CMC2: variants seen among roughly 807,000 people sequenced by gnomAD.
The protein encoded by CMC2 is COX assembly mitochondrial protein 2 homolog.
A neutral mutation model predicts 7.5 loss-of-function variants in CMC2; 5 were observed. That is an observed-to-expected ratio of 0.66 (90% CI 0.35 to 1.40). The LOEUF is 1.40. Ranked by LOEUF, CMC2 falls within the 40% of genes most tolerant of loss-of-function variation. The probability of loss-of-function intolerance (pLI) is 0.04; values close to 1 mark genes in which losing one functional copy is unlikely to be tolerated. For synonymous variants in CMC2, 37 were observed against 31.4 expected, an observed-to-expected ratio of 1.18 and a Z score of -0.60; for missense variants, 115 against 92.3, an observed-to-expected ratio of 1.25 and a Z score of -1.01.
At chr16:80,986,118 C>T (rs1358481000) in intron 2 of CMC2, among the ~76,000 whole-genome samples, 14 of 152,114 alleles carry the variant, frequency 9.2e-5, no homozygotes, top group Admixed American at 7.9e-4. Flanking sequence ...GAGGCCCAGG[C>T]GGGCGGATCA....
At chr16:80,977,537 C>T (rs1912555717) in intron 3 of CMC2, among the ~76,000 whole-genome samples, 1 of 152,010 alleles carries the variant, frequency 6.6e-6, no homozygotes, top group African/African-American at 2.4e-5. Flanking sequence ...GAGAGCGAGG[C>T]CACAGAAATT....
At chr16:80,985,523 TTAAAA>T (rs1301677125) in intron 2 of CMC2, among the ~76,000 whole-genome samples, 25 of 152,192 alleles carry the variant, frequency 1.6e-4, no homozygotes, top group African/African-American at 6.0e-4. Flanking sequence ...CATTGTAATT[TTAAAA>T]TAATTTTTTC....
At chr16:80,991,092 T>G (rs1967957396) in intron 2 of CMC2, among the ~76,000 whole-genome samples, 1 of 151,598 alleles carries the variant, frequency 6.6e-6, no homozygotes, top group African/African-American at 2.4e-5. Context: ...GCTGGAACAA[T>G]TTGAGCAACA....
chr16:80,972,461 G>C lies in CMC2; in HGVS notation c.*3632C>G, dbSNP rs1402467033. The C allele has an allele frequency of 6.6e-6, 1 of 152,110 alleles. No homozygotes were observed. The highest frequency in any genetic ancestry group is 1.5e-5 in the Non-Finnish European group (1 of 68,018). 9.4% of individuals were successfully genotyped at this position (152,110 alleles called of 1,614,324 possible). A position where few individuals can be genotyped will look rare whatever the true frequency, so the allele number is the denominator to read the frequency against. On this transcript the variant is annotated 3_prime_UTR_variant, in exon 4 of 4. Transcript: ENST00000219400. ...TGGTTCAGCCCAAGCCCTTTCTATAGAAAACTAATTGTGCTTTGAGCTAAA... is the reference window on the plus strand; with the variant it reads ...TGGTTCAGCCCAAGCCCTTTCTATACAAAACTAATTGTGCTTTGAGCTAAA...
At chr16:80,996,066 G>C (rs982402551) in intron 2 of CMC2, among the ~76,000 whole-genome samples, 2 of 150,484 alleles carry the variant, frequency 1.3e-5, no homozygotes, top group African/African-American at 4.9e-5. Context: ...GGACCAAAAA[G>C]CAATATACAA....
At chr16:80,990,785 C>G (rs1244299170) in intron 2 of CMC2, among the ~76,000 whole-genome samples, 1 of 152,134 alleles carries the variant, frequency 6.6e-6, no homozygotes, top group Non-Finnish European at 1.5e-5. Context: ...GTGGCACAAT[C>G]ATGACTTACT....
rs1166567765 is a variant in CMC2, at chr16:80,972,830, G to T, written c.*3263C>A. The T allele has an allele frequency of 6.6e-6, 1 of 152,234 alleles. No individual in the cohort carries two copies. Among genetic ancestry groups the T allele is most frequent in the African/African-American group, 2.4e-5 (1 of 41,442 alleles). The allele number at this position is 152,234 out of a possible 1,614,324, so 9.4% of individuals were successfully genotyped here. On this transcript the variant is annotated 3_prime_UTR_variant, in exon 4 of 4. Transcript: ENST00000219400. ...TTAGCAGGAAAGCCAGACTCCCTAA[G>T]AGGACACAGATGGTCCTTCGTGATG... is the stretch of plus-strand genomic sequence containing the variant.
intron 1 of CMC2, among the ~76,000 whole-genome samples, chr16:81,003,372 T>G (rs1969007833): frequency 6.6e-6 from 1 of 152,262 alleles, no homozygotes; most frequent in South Asian, 2.1e-4. Flanking sequence ...GAAAATAATT[T>G]GTTGAACACT....
In CMC2 at chr16:80,971,584, A is replaced by ATATATATGTG. The variant is rs778193287; in HGVS notation, c.*4508_*4509insCACATATATA. On this transcript the variant is annotated 3_prime_UTR_variant, in exon 4 of 4. Transcript: ENST00000219400. ...ACATTTTATATATATATATATATAT[A>ATATATATGTG]TGTATGAAATCATGCATATATATAT... is the stretch of plus-strand genomic sequence containing the variant. 3.8e-3 allele frequency: 537 copies of ATATATATGTG among 139,562 alleles called. 16 individuals are homozygous for ATATATATGTG. The East Asian group carries it at 0.052, about 14-fold the overall frequency. 8.6% of individuals were successfully genotyped at this position (139,562 alleles called of 1,614,324 possible).
chr16:80,966,954 A>C lies in CMC2; in HGVS notation c.*9139T>G, dbSNP rs1279020758. The C allele has an allele frequency of 1.3e-5, 2 of 152,330 alleles. No homozygotes were observed. Among genetic ancestry groups the C allele is most frequent in the African/African-American group, 4.8e-5 (2 of 41,578 alleles). 9.4% of individuals were successfully genotyped at this position (152,330 alleles called of 1,614,324 possible). A position where few individuals can be genotyped will look rare whatever the true frequency, so the allele number is the denominator to read the frequency against. On this transcript the variant is annotated 3_prime_UTR_variant, in exon 4 of 4. Transcript: ENST00000219400. ...AGCCCGTCTTATTTTAATTACATCC[A>C]ACAATGTACCTATCAAGTGATCTAC...
At chr16:80,987,741 G>A (rs1032020751) in intron 2 of CMC2, among the ~76,000 whole-genome samples, 1 of 152,188 alleles carries the variant, frequency 6.6e-6, no homozygotes, top group Non-Finnish European at 1.5e-5. Flanking sequence ...ACTTCAAGCA[G>A]GTTGGAGAGC....
At chr16:80,978,743 C>T (rs1966875148) in intron 3 of CMC2, among the ~76,000 whole-genome samples, 1 of 151,948 alleles carries the variant, frequency 6.6e-6, no homozygotes, top group Admixed American at 6.6e-5. Context: ...AGGAGTGACA[C>T]AGCGGAGTCC....
rs1355631741 is a variant in CMC2, at chr16:80,970,883, G to T, written c.*5210C>A. ...TAAGTAATTTTAAAAATACCCCTTA[G>T]ACACAAATCTAGCAAAAGATGTATA... On this transcript the variant is annotated 3_prime_UTR_variant, in exon 4 of 4. Transcript: ENST00000219400. 1 of 152,116 alleles carries T rather than the reference G, an allele frequency of 6.6e-6. No homozygotes were observed. Among genetic ancestry groups the T allele is most frequent in the Non-Finnish European group, 1.5e-5 (1 of 68,020 alleles). The allele number at this position is 152,116 out of a possible 1,614,324, so 9.4% of individuals were successfully genotyped here.
In CMC2 at chr16:80,972,608, C is replaced by T. The variant is rs1912007633; in HGVS notation, c.*3485G>A. ...CTTCCTAAAATAAACCATTAATTCA[C>T]TGTCACCAGAGCATCAAGGTTCACA... On this transcript the variant is annotated 3_prime_UTR_variant, in exon 4 of 4. Coordinates refer to ENST00000219400, the MANE Select transcript of CMC2 (RefSeq NM_020188.5). 6.6e-6 allele frequency: 1 copy of T among 152,222 alleles called. No individual in the cohort carries two copies. Among genetic ancestry groups the T allele is most frequent in the Non-Finnish European group, 1.5e-5 (1 of 68,038 alleles). The allele number at this position is 152,222 out of a possible 1,614,324, so 9.4% of individuals were successfully genotyped here. A position where few individuals can be genotyped will look rare whatever the true frequency, so the allele number is the denominator to read the frequency against.
chr16:80,976,157 C>T lies in CMC2; in HGVS notation c.176G>A (p.Ser59Asn). 6.2e-7 allele frequency: 1 copy of T among 1,604,108 alleles called. No homozygotes were observed. Among genetic ancestry groups the T allele is most frequent in the Non-Finnish European group, 8.5e-7 (1 of 1,172,806 alleles). The part of the protein sequence containing the change: ...KNEYVENRTK[S>N]REHGIAMRKK... ...TCGCATTGCAATGCCATGCTCCCTG[C>T]TCTTGGTCCTGTTTTCTACGTACTG... The change falls in exon 4 of 4, where the codon AGC becomes AAC. Residue 59 changes from serine to asparagine, a missense_variant. By Grantham distance (46) the Ser-to-Asn change is conservative. Coordinates refer to ENST00000219400, the MANE Select transcript of CMC2 (RefSeq NM_020188.5).
chr16:80,969,742 T>C lies in CMC2; in HGVS notation c.*6351A>G, dbSNP rs1479804215. The C allele has an allele frequency of 6.6e-6, 1 of 152,020 alleles. No individual in the cohort carries two copies. Among genetic ancestry groups the C allele is most frequent in the Non-Finnish European group, 1.5e-5 (1 of 68,058 alleles). The allele number at this position is 152,020 out of a possible 1,614,324, so 9.4% of individuals were successfully genotyped here. On this transcript the variant is annotated 3_prime_UTR_variant, in exon 4 of 4. Coordinates refer to ENST00000219400, the MANE Select transcript of CMC2 (RefSeq NM_020188.5). ...GTCTCTACTAAAAGGACAAAAAAAT[T>C]AGCCGGGCATCATGGTGCATGCCTG...
intron 1 of CMC2, among the ~76,000 whole-genome samples, chr16:81,003,904 T>C (rs954261791): frequency 6.6e-6 from 1 of 152,212 alleles, no homozygotes; most frequent in African/African-American, 2.4e-5. Context: ...GACCTATATA[T>C]CTCAGTGATG....
Position 80,971,564 on chromosome 16 carries a change from T to TTATATATATATATATATA in CMC2, c.*4511_*4528dup, listed in dbSNP as rs34839018. The TTATATATATATATATATA allele has an allele frequency of 3.3e-5, 4 of 121,244 alleles. No homozygotes were observed. Among genetic ancestry groups the TTATATATATATATATATA allele is most frequent in the African/African-American group, 1.6e-4 (4 of 25,706 alleles). The allele number at this position is 121,244 out of a possible 1,614,324, so 7.5% of individuals were successfully genotyped here. A position where few individuals can be genotyped will look rare whatever the true frequency, so the allele number is the denominator to read the frequency against. On this transcript the variant is annotated 3_prime_UTR_variant, in exon 4 of 4. Coordinates refer to ENST00000219400, the MANE Select transcript of CMC2 (RefSeq NM_020188.5). The stretch of plus-strand genomic sequence containing the variant: ...CTATGGATACTGACATACATACATT[T>TTATATATATATATATATA]TATATATATATATATATATATGTAT...
At chr16:81,004,191 C>T (rs1017528454) in intron 1 of CMC2, among the ~76,000 whole-genome samples, 1 of 151,810 alleles carries the variant, frequency 6.6e-6, no homozygotes, top group Non-Finnish European at 1.5e-5. Flanking sequence ...CACCTGCACT[C>T]TAGCCTGGTC....
Sources: allele counts gnomAD v4.1 joint callset (sites outside exome capture counted in the v4.1 genomes callset), GRCh38; gene constraint gnomAD v4.1.1; transcripts MANE v1.5; gene names NCBI Gene and HGNC (gene_info 2026-07-23, HGNC 2026-07-21).